Variants in DZANK1 observed in about 807,000 individuals in gnomAD.
DZANK1 encodes the protein double zinc ribbon and ankyrin repeat domains 1.
Under a neutral mutation model 94.5 loss-of-function variants are expected in DZANK1, and 91 were observed. That is an observed-to-expected ratio of 0.96 (90% CI 0.81 to 1.15). The LOEUF (loss-of-function observed/expected upper bound fraction) is 1.15. Among genes scored for constraint, DZANK1 ranks in the 50% most tolerant of loss-of-function variants. The pLI, the probability that DZANK1 is intolerant of heterozygous loss-of-function variation, is 0.00. For missense variants in DZANK1, 903 were observed against 916.4 expected (o/e 0.99, Z 0.19); for synonymous variants, 312 against 325.3 (o/e 0.96, Z 0.44).
chr20:18,448,184 A>G (rs1420628020), intron 7 of DZANK1, among the ~76,000 whole-genome samples: 1 of 152,238 alleles, frequency 6.6e-6, no homozygotes, highest in East Asian at 1.9e-4. Context: ...ATATCCATAC[A>G]ATGGACTGTA....
At chr20:18,432,703 T>A (rs747477668) in intron 9 of DZANK1, 9 of 152,222 alleles carry the variant, frequency 5.9e-5, no homozygotes, top group Non-Finnish European at 8.8e-5. Context: ...ATTTCCCTTA[T>A]TGCTAAAAAT....
At chr20:18,433,466 G>T in intron 9 of DZANK1, 186 bp downstream of exon 9, 1 of 550,444 alleles carries the variant, frequency 1.8e-6, no homozygotes, top group Non-Finnish European at 3.2e-6. Context: ...CACTTGAACT[G>T]AGGAGGCGGA....
At chr20:18,449,203 C>T (rs1601112079) in intron 6 of DZANK1, 134 bp from the exon 7 acceptor site, 2 of 706,614 alleles carry the variant, frequency 2.8e-6, no homozygotes, top group Non-Finnish European at 4.6e-6. Flanking sequence ...GAATAATAGA[C>T]ACTATAGACT....
chr20:18,447,757 A>G (rs1266510905), intron 7 of DZANK1, among the ~76,000 whole-genome samples: 1 of 152,202 alleles, frequency 6.6e-6, no homozygotes, highest in East Asian at 1.9e-4. Flanking sequence ...TAAAAACCAC[A>G]ATGAGATACT....
At chr20:18,436,221 G>C (rs1165980171) in intron 8 of DZANK1, among the ~76,000 whole-genome samples, 2 of 152,164 alleles carry the variant, frequency 1.3e-5, no homozygotes, top group East Asian at 3.8e-4. Flanking sequence ...AAGCACAATA[G>C]AGAGACAGAA....
rs558516262 is a variant in DZANK1 at position 18,392,912 on chromosome 20, G to T, written c.1809+799C>A. ...TTAATCCATATGGAGGTTAGGTGTT[G>T]GGCGTAGCCTGAATGCATGAGTAGA... On this transcript the variant is annotated intron_variant, in intron 17 of 20. Coordinates refer to ENST00000262547, the Ensembl canonical transcript of DZANK1. Among the ~76,000 whole-genome samples, 19 of 152,332 alleles carry T rather than the reference G, an allele frequency of 1.2e-4. No homozygotes were observed. The South Asian group carries it at 3.9e-3, about 32-fold the overall frequency.
chr20:18,457,247 G>A (rs750032988), intron 3 of DZANK1, among the ~76,000 whole-genome samples: 21 of 152,134 alleles, frequency 1.4e-4, no homozygotes, highest in Non-Finnish European at 1.6e-4. Context: ...GGCCAAGGCA[G>A]GCGAATCACT....
intron 13 of DZANK1, among the ~76,000 whole-genome samples, chr20:18,411,656 G>T (rs2057262177): frequency 6.6e-6 from 1 of 152,160 alleles, no homozygotes; most frequent in African/African-American, 2.4e-5. Context: ...AAGGAAAGAA[G>T]AAAACTGCAG....
rs764244877 is a variant in DZANK1 at position 18,455,231 on chromosome 20, T to C, written c.378+16A>G. On this transcript the variant is annotated intron_variant, in intron 4 of 20. Transcript: ENST00000262547. ...ATACAGTGACAATCTGAATGGATTA[T>C]AGTTTCATTACTTGCCTGCCTTGAA... 21 of 1,566,128 alleles carry C rather than the reference T, an allele frequency of 1.3e-5. No homozygotes were observed. The African/African-American group carries it at 2.4e-4, about 18-fold the overall frequency.
intron 10 of DZANK1, chr20:18,420,507 T>A (rs1318131722): frequency 1.6e-5 from 3 of 183,328 alleles, no homozygotes; most frequent in Middle Eastern, 1.8e-3. Flanking sequence ...GGGCTGTCTG[T>A]GCCTCGCACC....
Position 18,431,541 on chromosome 20 carries a change from TG to T in DZANK1, c.861+2110del, listed in dbSNP as rs1410014714. 3.9e-5 allele frequency among the ~76,000 whole-genome samples: 6 copies of T among 152,362 alleles called. No homozygotes were observed. The East Asian group carries it at 5.8e-4, about 15-fold the overall frequency. The stretch of plus-strand genomic sequence containing the variant: ...CAAAACCTGTCACCCTTATGACATC[TG>T]GGAGAGGCACTGGAATGAAGATTGT... On this transcript the variant is annotated intron_variant, in intron 9 of 20. Transcript: ENST00000262547.
intron 8 of DZANK1, among the ~76,000 whole-genome samples, chr20:18,434,567 A>AG (rs2058440899): frequency 6.6e-6 from 1 of 151,110 alleles, no homozygotes; most frequent in African/African-American, 2.4e-5. Flanking sequence ...AAAAAAAAAA[A>AG]GGAATCACAC....
intron 6 of DZANK1, among the ~76,000 whole-genome samples, chr20:18,451,459 T>C (rs2059098938): frequency 6.6e-6 from 1 of 152,178 alleles, no homozygotes; most frequent in Non-Finnish European, 1.5e-5. Context: ...ACCTCTAAGT[T>C]GAGGACTTTC....
At chr20:18,455,684 C>G (rs990651105) in intron 3 of DZANK1, among the ~76,000 whole-genome samples, 4 of 152,212 alleles carry the variant, frequency 2.6e-5, no homozygotes, top group African/African-American at 9.6e-5. Context: ...CAACTGAAGG[C>G]TCAACTGGGC....
chr20:18,399,874 G>A (rs1159236774), intron 13 of DZANK1, among the ~76,000 whole-genome samples: 1 of 152,164 alleles, frequency 6.6e-6, no homozygotes, highest in Non-Finnish European at 1.5e-5. Flanking sequence ...ACTTGACTCT[G>A]CAAACCCACA....
intron 9 of DZANK1, among the ~76,000 whole-genome samples, chr20:18,427,604 T>TGGGG (rs1555874057): frequency 2.2e-5 from 2 of 91,542 alleles, no homozygotes; most frequent in African/African-American, 9.3e-5. Context: ...TGTGTAAGGT[T>TGGGG]GGGTGTGTGT....
At chr20:18,455,159 A>G (rs1601156685) in intron 4 of DZANK1, 88 bp downstream of exon 4, 2 of 884,324 alleles carry the variant, frequency 2.3e-6, no homozygotes, top group Non-Finnish European at 3.6e-6. Flanking sequence ...GAGCAGAGGT[A>G]AGGTAATAAA....
chr20:18,426,933 T>C lies in DZANK1; in HGVS notation c.954+134A>G, dbSNP rs963591352. The C allele has an allele frequency of 4.0e-5, 19 of 478,166 alleles. No individual in the cohort carries two copies. The Middle Eastern group carries it at 1.6e-3, about 41-fold the overall frequency. The allele number at this position is 478,166 out of a possible 1,614,324, so 29.6% of individuals were successfully genotyped here. Reference sequence around the variant, plus strand: ...AAAGTTCTCCCCACATATGGAAATCTTGCTTTCAGTTTACCATGAGAAGCT... The same window carrying C: ...AAAGTTCTCCCCACATATGGAAATCCTGCTTTCAGTTTACCATGAGAAGCT... On this transcript the variant is annotated intron_variant, in intron 10 of 20. Coordinates refer to ENST00000262547, the Ensembl canonical transcript of DZANK1.
intron 9 of DZANK1, chr20:18,433,358 A>G: frequency 3.1e-6 from 1 of 321,106 alleles, no homozygotes; most frequent in Non-Finnish European, 5.9e-6. Context: ...CCTGGCCAAG[A>G]TGATGAAACC....
Sources: allele counts gnomAD v4.1 joint callset (sites outside exome capture counted in the v4.1 genomes callset), GRCh38; gene constraint gnomAD v4.1.1; transcripts MANE v1.5; gene names NCBI Gene and HGNC (gene_info 2026-07-23, HGNC 2026-07-21).